The following UGT1A4 variants were observed in gnomAD, a reference collection of about 807,000 sequenced individuals.
UGT1A4 encodes the protein UDP glucuronosyltransferase family 1 member A4, also known as UDP-glucuronosyltransferase 1A4.
In UGT1A4, 32 loss-of-function variants were observed where a neutral mutation model predicts 41.1. That is an observed-to-expected ratio of 0.78 (90% confidence interval 0.59 to 1.05). The LOEUF (loss-of-function observed/expected upper bound fraction) is 1.05, where lower values mean the gene tolerates loss of function less well. UGT1A4 is among the 50% of genes least tolerant of loss of function. The pLI is 0.00. For synonymous variants in UGT1A4, 283 were observed against 265.1 expected (o/e 1.07, Z -0.66); for missense variants, 748 against 677.4 (o/e 1.10, Z -1.16).
intron 1 of UGT1A4, chr2:233,750,470 T>A (rs1412262508): frequency 6.6e-6 from 1 of 151,972 alleles, no homozygotes; most frequent in Non-Finnish European, 1.5e-5. Context: ...AAATACTGGC[T>A]ATAGAAATTT....
intron 1 of UGT1A4, chr2:233,754,982 G>T (rs777457239): frequency 2.3e-5 from 30 of 1,295,872 alleles, no homozygotes; most frequent in Middle Eastern, 2.1e-4. Flanking sequence ...AGACCTCGGC[G>T]GGGTCACGGA....
intron 1 of UGT1A4, among the ~76,000 whole-genome samples, chr2:233,720,592 G>A (rs1417484127): frequency 6.6e-6 from 1 of 151,946 alleles, no homozygotes; most frequent in Non-Finnish European, 1.5e-5. Context: ...TTTCAGAGGT[G>A]ACTTTCATTA....
Position 233,719,466 on chromosome 2 carries a change from T to C in UGT1A4, c.646T>C (p.Tyr216His), listed in dbSNP as rs2076769813. 1 of 1,614,004 alleles carries C rather than the reference T, an allele frequency of 6.2e-7. No individual in the cohort carries two copies. Among genetic ancestry groups the C allele is most frequent in the South Asian group, 1.1e-5 (1 of 91,068 alleles). ...TFLQRVKNML[Y>H]PLALSYICHT... ...CCTGCAAAGGGTCAAGAACATGCTC[T>C]ACCCTCTGGCCCTGTCCTACATTTG... Residue 216 changes from tyrosine to histidine, a missense_variant, in exon 1 of 5, where the codon TAC (tyrosine) becomes CAC (histidine). By Grantham distance (83) the Tyr-to-His change is moderately conservative. Transcript: ENST00000373409.
intron 1 of UGT1A4, chr2:233,760,342 G>C (rs2125982896): frequency 6.2e-7 from 1 of 1,614,102 alleles, no homozygotes; most frequent in East Asian, 2.2e-5. Flanking sequence ...GCTGCTGTGT[G>C]TGCTGGGCCC....
At chr2:233,760,521 G>A (rs2125985351) in intron 1 of UGT1A4, 2 of 1,614,238 alleles carry the variant, frequency 1.2e-6, no homozygotes, top group Non-Finnish European at 1.7e-6. Flanking sequence ...CCTTGAAGAC[G>A]TACCCTGTGC....
In UGT1A4 at chr2:233,719,465, C is replaced by T; in HGVS notation, c.645C>T (p.Leu215=). 3 of 1,613,994 alleles carry T rather than the reference C, an allele frequency of 1.9e-6. No homozygotes were observed. Among genetic ancestry groups the T allele is most frequent in the Non-Finnish European group, 2.5e-6 (3 of 1,179,868 alleles). The part of the protein sequence containing the change: ...MTFLQRVKNM[L]YPLALSYICH... ...TCCTGCAAAGGGTCAAGAACATGCT[C>T]TACCCTCTGGCCCTGTCCTACATTT... The change falls in exon 1 of 5, where the codon CTC becomes CTT. Residue 215 remains leucine, a synonymous_variant. Coordinates refer to ENST00000373409, the MANE Select transcript of UGT1A4 (RefSeq NM_007120.3).
intron 1 of UGT1A4, among the ~76,000 whole-genome samples, chr2:233,723,275 T>C (rs4663332): frequency 0.33 from 30,050 of 91,182 alleles, 6,430 homozygotes; most frequent in African/African-American, 0.61. Context: ...AATGGCACGA[T>C]GTTGGCTCAC....
chr2:233,757,438 T>C (rs528123504), intron 1 of UGT1A4, among the ~76,000 whole-genome samples: 24 of 151,360 alleles, frequency 1.6e-4, no homozygotes, highest in African/African-American at 5.8e-4. Flanking sequence ...AAGTCACTTC[T>C]ATACAGAAAC....
chr2:233,766,982 T>C (rs1699301954), intron 1 of UGT1A4, 52 bp from the exon 2 acceptor site: 9 of 1,612,798 alleles, frequency 5.6e-6, no homozygotes, highest in Non-Finnish European at 7.6e-6. Context: ...CTGTATGTAG[T>C]CATCAAAGAA....
intron 2 of UGT1A4, 98 bp downstream of exon 2, chr2:233,767,263 G>C (rs1020187729): frequency 6.3e-7 from 1 of 1,589,094 alleles, no homozygotes; most frequent in African/African-American, 1.4e-5. Flanking sequence ...TGGAACCTTA[G>C]ATTTGGCTTT....
intron 1 of UGT1A4, chr2:233,729,168 A>G (rs746194501): frequency 1.2e-6 from 2 of 1,613,726 alleles, no homozygotes; most frequent in Admixed American, 1.7e-5. Context: ...GGCTGGCCAC[A>G]GGACTGCTGC....
chr2:233,742,383 G>T (rs1224558474), intron 1 of UGT1A4, among the ~76,000 whole-genome samples: 1 of 151,994 alleles, frequency 6.6e-6, no homozygotes, highest in African/African-American at 2.4e-5. Flanking sequence ...AGGCACAGAT[G>T]GCTCATGTTA....
chr2:233,768,031 A>G (rs1699551852), intron 3 of UGT1A4, 95 bp downstream of exon 3: 2 of 1,612,748 alleles, frequency 1.2e-6, no homozygotes, highest in Non-Finnish European at 8.5e-7. Context: ...GAGCTTGAAA[A>G]TATTATGGCC....
chr2:233,765,493 A>G (rs1698849482), intron 1 of UGT1A4, among the ~76,000 whole-genome samples: 1 of 152,138 alleles, frequency 6.6e-6, no homozygotes, highest in African/African-American at 2.4e-5. Context: ...ATCCTCCACA[A>G]ACTAACACAG....
intron 1 of UGT1A4, chr2:233,721,850 A>G: frequency 1.9e-6 from 1 of 514,452 alleles, no homozygotes; most frequent in Non-Finnish European, 3.9e-6. Context: ...GTCCAGCCCC[A>G]CTGCTCGGCC....
In UGT1A4 at chr2:233,769,743, C is replaced by T. The variant is rs1376344823; in HGVS notation, c.1307+1304C>T. Reference sequence around the variant, plus strand: ...CATGGCACACGCCTGTAGTCCCAGCCACTCTGGAGGCTAAGGCGGGAGGAT... The same window carrying T: ...CATGGCACACGCCTGTAGTCCCAGCTACTCTGGAGGCTAAGGCGGGAGGAT... On this transcript the variant is annotated intron_variant, in intron 4 of 4. Coordinates refer to ENST00000373409, the MANE Select transcript of UGT1A4 (RefSeq NM_007120.3). The surrounding 1 kb of genome is among the most constrained non-coding windows in gnomAD (Gnocchi z 4.4). The T allele has an allele frequency of 1.2e-5, 17 of 1,445,490 alleles. No homozygotes were observed. The East Asian group carries it at 4.3e-4, about 36-fold the overall frequency. 89.5% of individuals were successfully genotyped at this position (1,445,490 alleles called of 1,614,324 possible).
At chr2:233,743,597 T>A in intron 1 of UGT1A4, 1 of 1,367,346 alleles carries the variant, frequency 7.3e-7, no homozygotes. Flanking sequence ...GAATGGGTCC[T>A]GGCCGCCGAA....
intron 1 of UGT1A4, among the ~76,000 whole-genome samples, chr2:233,756,863 G>A (rs956259550): frequency 6.6e-6 from 1 of 152,072 alleles, no homozygotes; most frequent in Non-Finnish European, 1.5e-5. Flanking sequence ...GGTTCATAAA[G>A]GGTATTAGGT....
chr2:233,729,290 G>A, intron 1 of UGT1A4: 1 of 1,614,236 alleles, frequency 6.2e-7, no homozygotes, highest in Admixed American at 1.7e-5. Context: ...CATGCCAGAG[G>A]CCACCAGGCA....
Sources: allele counts gnomAD v4.1 joint callset (sites outside exome capture counted in the v4.1 genomes callset), GRCh38; gene constraint gnomAD v4.1.1; non-coding constraint Gnocchi (gnomAD v3.1); transcripts MANE v1.5; gene names NCBI Gene and HGNC (gene_info 2026-07-23, HGNC 2026-07-21).